RORA: variants seen among roughly 807,000 people sequenced by gnomAD.
The protein encoded by RORA is nuclear receptor ROR-alpha.
RORA carries 7 observed loss-of-function variants against 69.5 expected under a neutral mutation model. The observed-to-expected ratio is 0.10, with a 90% CI of 0.06 to 0.19. The LOEUF (loss-of-function observed/expected upper bound fraction) is 0.19. Among genes scored for constraint, RORA ranks in the 10% least tolerant of loss-of-function variants. RORA has a pLI of 1.00. For synonymous variants in RORA, 261 were observed against 240.8 expected (o/e 1.08, Z -0.78); for missense variants, 457 against 663.0 (o/e 0.69, Z 3.41).
chr15:60,865,605 C>T (rs931292565), intron 1 of RORA, among the ~76,000 whole-genome samples: 1 of 152,184 alleles, frequency 6.6e-6, no homozygotes, highest in African/African-American at 2.4e-5. Context: ...AGGCATTACA[C>T]AGTTTAAGTG....
chr15:60,879,432 C>G (rs1420521362), intron 1 of RORA, among the ~76,000 whole-genome samples: 1 of 152,020 alleles, frequency 6.6e-6, no homozygotes, highest in African/African-American at 2.4e-5. Context: ...GAGCCAGGCA[C>G]ACAATCAATG....
intron 1 of RORA, among the ~76,000 whole-genome samples, chr15:60,955,138 C>A (rs1893228349): frequency 6.6e-6 from 1 of 152,110 alleles, no homozygotes; most frequent in African/African-American, 2.4e-5. Context: ...CTCGCCTCTA[C>A]TAAAAATACG....
chr15:60,880,442 C>A lies in RORA; in HGVS notation c.167-201756G>T, dbSNP rs554793727. Among the ~76,000 whole-genome samples the A allele has an allele frequency of 2.6e-5, 4 of 152,254 alleles. No homozygotes were observed. In the South Asian group the frequency reaches 8.3e-4, roughly 32 times the overall value. ...GATCACGAGGTCAGGAGATCGAGAC[C>A]GTCCGGGCCAACACGGTGAAACCCC... is the stretch of plus-strand genomic sequence containing the variant. On this transcript the variant is annotated intron_variant, in intron 1 of 10. Transcript: ENST00000335670.
chr15:61,017,091 C>T (rs1895318580), intron 1 of RORA, among the ~76,000 whole-genome samples: 1 of 152,086 alleles, frequency 6.6e-6, no homozygotes, highest in Admixed American at 6.5e-5. Flanking sequence ...ATCACCTGAG[C>T]CTTTCTTTTC....
At chr15:60,937,761 A>C (rs1161623372) in intron 1 of RORA, among the ~76,000 whole-genome samples, 1 of 152,064 alleles carries the variant, frequency 6.6e-6, no homozygotes, top group Non-Finnish European at 1.5e-5. Flanking sequence ...TCACCCAGCC[A>C]CTCTGGCCAT....
intron 1 of RORA, among the ~76,000 whole-genome samples, chr15:60,917,752 G>A (rs987795892): frequency 5.9e-5 from 9 of 152,218 alleles, no homozygotes; most frequent in Admixed American, 2.6e-4. Context: ...GTTTCTTTGC[G>A]TGTAATCCCT....
At chr15:60,795,579 T>TG (rs2072484648) in intron 1 of RORA, among the ~76,000 whole-genome samples, 1 of 152,212 alleles carries the variant, frequency 6.6e-6, no homozygotes, top group South Asian at 2.1e-4. Flanking sequence ...GATGCAATGA[T>TG]GAAGGAGGGA....
At chr15:60,971,643 T>C (rs1893717301) in intron 1 of RORA, among the ~76,000 whole-genome samples, 1 of 152,258 alleles carries the variant, frequency 6.6e-6, no homozygotes, top group Admixed American at 6.5e-5. Context: ...TTTCTGTTTA[T>C]AGCCACCAAG....
intron 1 of RORA, among the ~76,000 whole-genome samples, chr15:60,977,089 C>T (rs1893893624): frequency 2.1e-5 from 3 of 140,930 alleles, no homozygotes; most frequent in African/African-American, 2.7e-5. Context: ...TAAGCTCTAC[C>T]AAGTTGTTTC....
chr15:60,703,872 GA>G lies in RORA; in HGVS notation c.167-25187del, dbSNP rs200885415. Among the ~76,000 whole-genome samples the G allele has an allele frequency of 1.5e-3, 193 of 128,048 alleles. 1 individual carries two copies. The highest frequency in any genetic ancestry group is 0.012 in the South Asian group (50 of 4,152). 84.0% of individuals were successfully genotyped at this position (128,048 alleles called of 152,430 possible). ...TATTTGAGCACTTGAAAGGAAGAAA[GA>G]AAAAAAAAAAGGAAAGAAGGGAAGG... On this transcript the variant is annotated intron_variant, in intron 1 of 10. Transcript: ENST00000335670.
At chr15:61,203,246 T>C (rs929557490) in intron 1 of RORA, among the ~76,000 whole-genome samples, 4 of 152,202 alleles carry the variant, frequency 2.6e-5, no homozygotes, top group Non-Finnish European at 5.9e-5. Flanking sequence ...ACATTTGGCA[T>C]GTTTCCATTT....
intron 1 of RORA, among the ~76,000 whole-genome samples, chr15:60,725,803 G>A (rs1236546778): frequency 6.6e-6 from 1 of 152,104 alleles, no homozygotes; most frequent in Non-Finnish European, 1.5e-5. Flanking sequence ...CAAAGACTAT[G>A]TCCCTCAAAT....
chr15:60,783,787 G>C (rs2072296356), intron 1 of RORA, among the ~76,000 whole-genome samples: 1 of 152,190 alleles, frequency 6.6e-6, no homozygotes, highest in Admixed American at 6.5e-5. Flanking sequence ...CCTCCAGTAA[G>C]GGCCTGAGAA....
intron 1 of RORA, among the ~76,000 whole-genome samples, chr15:61,204,497 C>T (rs185199284): frequency 8.5e-5 from 13 of 152,182 alleles, no homozygotes; most frequent in East Asian, 7.7e-4. Context: ...AAGGCGAGCA[C>T]GTATGTGAGT....
chr15:60,641,182 C>T (rs1212079336), intron 2 of RORA, among the ~76,000 whole-genome samples: 1 of 152,120 alleles, frequency 6.6e-6, no homozygotes, highest in Non-Finnish European at 1.5e-5. Flanking sequence ...GAACTCCTGG[C>T]CTCAAGTGAC....
intron 3 of RORA, among the ~76,000 whole-genome samples, chr15:60,521,951 TC>T (rs1240802527): frequency 6.6e-6 from 1 of 152,176 alleles, no homozygotes; most frequent in African/African-American, 2.4e-5. Context: ...GAAATTCTAT[TC>T]CCTAATACTT....
chr15:60,583,223 C>A (rs953128302), intron 2 of RORA, among the ~76,000 whole-genome samples: 2 of 152,216 alleles, frequency 1.3e-5, no homozygotes, highest in African/African-American at 4.8e-5. Flanking sequence ...ACGAAGGCAG[C>A]ATTTGGTCTC....
chr15:60,586,117 T>C (rs2068327446), intron 2 of RORA, among the ~76,000 whole-genome samples: 1 of 152,216 alleles, frequency 6.6e-6, no homozygotes, highest in African/African-American at 2.4e-5. Context: ...AAAGTATTCC[T>C]AAACAGTTCA....
rs61188463 is a variant in RORA at position 61,175,541 on chromosome 15, T to TAAATAAA, written c.166+53511_166+53512insTTTATTT. ...GAGCAACATAGTGAGATCCTGTTTC[T>TAAATAAA]AAAAAAAAAAAAAAAAAACTTGCCA... On this transcript the variant is annotated intron_variant, in intron 1 of 10. Coordinates refer to ENST00000335670, the MANE Select transcript of RORA (RefSeq NM_134261.3). Among the ~76,000 whole-genome samples, 24 of 120,206 alleles carry TAAATAAA rather than the reference T, an allele frequency of 2.0e-4. 2 individuals carry two copies. The highest frequency in any genetic ancestry group is 3.0e-4 in the Non-Finnish European group (17 of 57,532). The allele number at this position is 120,206 out of a possible 152,430, so 78.9% of individuals were successfully genotyped here. A position where few individuals can be genotyped will look rare whatever the true frequency, so the allele number is the denominator to read the frequency against.
Sources: gnomAD v4.1 joint callset for allele counts (sites outside exome capture counted in the v4.1 genomes callset) on GRCh38, gnomAD v4.1.1 for gene constraint, MANE v1.5 for transcripts, NCBI Gene and HGNC (gene_info 2026-07-23, HGNC 2026-07-21) for gene names.